The following ALS2 variants were observed in gnomAD, a reference collection of about 807,000 sequenced individuals.
ALS2 encodes the protein alsin Rho guanine nucleotide exchange factor ALS2.
In ALS2, 117 loss-of-function variants were observed where a neutral mutation model predicts 203.4. The observed-to-expected ratio is 0.58, with a 90% confidence interval of 0.50 to 0.67. The LOEUF (loss-of-function observed/expected upper bound fraction) is 0.67. Among genes scored for constraint, ALS2 ranks in the 30% least tolerant of loss-of-function variants. ALS2 has a pLI of 0.00. For synonymous variants in ALS2, 718 were observed against 725.9 expected (o/e 0.99, Z 0.17); for missense variants, 1,715 against 1,989.4 (o/e 0.86, Z 2.62).
chr2:201,728,339 T>C (rs895266728), intron 15 of ALS2, among the ~76,000 whole-genome samples, 173 bp downstream of exon 15: 1 of 152,142 alleles, frequency 6.6e-6, no homozygotes, highest in Non-Finnish European at 1.5e-5. Context: ...AGTGAGAACA[T>C]GCAGTGTTTG....
Position 201,705,220 on chromosome 2 carries a change from G to A in ALS2, c.4627-20C>T. On this transcript the variant is annotated intron_variant, in intron 30 of 33. Coordinates refer to ENST00000264276, the MANE Select transcript of ALS2 (RefSeq NM_020919.4). ...CAAAACCTGCAAAAAAGAGAGTGAA[G>A]GTCAAGGAGGAAAACTATTTTCTGC... 6.2e-7 allele frequency: 1 copy of A among 1,612,208 alleles called. No individual in the cohort carries two copies. The highest frequency in any genetic ancestry group is 1.1e-5 in the South Asian group (1 of 91,026).
rs1460568046 is a variant in ALS2, at chr2:201,738,657, T to G, written c.2417+13A>C. 1.9e-5 allele frequency: 30 copies of G among 1,611,416 alleles called. No individual in the cohort carries two copies. The highest frequency in any genetic ancestry group is 2.5e-5 in the Non-Finnish European group (29 of 1,177,672). On this transcript the variant is annotated intron_variant, in intron 12 of 33. Transcript: ENST00000264276. ...CGGAGAGAATGATAACTGGAAGGTG[T>G]GGGTTTGCTTACATGGCAGGCTTAG... is the stretch of plus-strand genomic sequence containing the variant.
chr2:201,778,678 A>G (rs1388137485), intron 1 of ALS2, among the ~76,000 whole-genome samples: 4 of 152,216 alleles, frequency 2.6e-5, no homozygotes, highest in African/African-American at 4.8e-5. Context: ...TTGGTCATCA[A>G]TGAAGGGTTA....
intron 11 of ALS2, among the ~76,000 whole-genome samples, chr2:201,740,571 A>T (rs147621874): frequency 6.6e-6 from 1 of 152,360 alleles, no homozygotes; most frequent in Non-Finnish European, 1.5e-5. Context: ...AGAAACTAGT[A>T]TCAAGTTCTA....
At chr2:201,738,492 T>C (rs1050779083) in intron 12 of ALS2, 178 bp downstream of exon 12, 2 of 641,196 alleles carry the variant, frequency 3.1e-6, no homozygotes, top group East Asian at 2.8e-5. Context: ...ATACTACTTA[T>C]AATGATAACC....
chr2:201,767,451 T>G, intron 2 of ALS2, 68 bp from the exon 3 acceptor site: 1 of 1,549,894 alleles, frequency 6.5e-7, no homozygotes, highest in Non-Finnish European at 8.8e-7. Context: ...TTCTTAATAC[T>G]TTTCATGATT....
chr2:201,718,469 C>A (rs1217275070), intron 23 of ALS2, among the ~76,000 whole-genome samples: 1 of 152,126 alleles, frequency 6.6e-6, no homozygotes, highest in East Asian at 1.9e-4. Flanking sequence ...CCATGTTGGC[C>A]AGGCTGGTCT....
intron 11 of ALS2, chr2:201,741,246 A>G (rs774632493): frequency 3.7e-4 from 57 of 153,982 alleles, no homozygotes; most frequent in Non-Finnish European, 6.2e-4. Flanking sequence ...GGTCTTTTAA[A>G]ACTTCCATTT....
chr2:201,729,464 G>C (rs1488374424), intron 13 of ALS2, among the ~76,000 whole-genome samples: 2 of 152,128 alleles, frequency 1.3e-5, no homozygotes, highest in Non-Finnish European at 2.9e-5. Flanking sequence ...TAGAGCAGGA[G>C]TTCTCAAATA....
chr2:201,754,654 T>C lies in ALS2; in HGVS notation c.1489A>G (p.Arg497Gly). Residue 497 changes from arginine (R) to glycine (G), a missense_variant, in exon 6 of 34, where the codon AGA becomes GGA. By Grantham distance (125) the Arg-to-Gly change is moderately radical. Around this residue, in one of 3 missense-constraint regions of ALS2, gnomAD observed 1,227 missense variants for 1,413.5 expected, o/e 0.87. Transcript: ENST00000264276. ...CTCGTTTTCACCCGTGCAGCCTTTC[T>C]TAAGAGCCTGGGGGAAACTGAAAAC... is the stretch of plus-strand genomic sequence containing the variant. ...LLSQVSPRLL[R>G]KAARVKTRTV... 1 of 1,614,110 alleles carries C rather than the reference T, an allele frequency of 6.2e-7. No homozygotes were observed. The highest frequency in any genetic ancestry group is 8.5e-7 in the Non-Finnish European group (1 of 1,179,996).
At position 201,746,759 on chromosome 2, in the gene ALS2, A is replaced by G; in HGVS notation, c.1816-11T>C. On this transcript the variant is annotated splice_polypyrimidine_tract_variant and intron_variant, in intron 8 of 33. Coordinates refer to ENST00000264276, the MANE Select transcript of ALS2 (RefSeq NM_020919.4). Reference sequence around the variant, plus strand: ...ATTTTCACTGCTTATCTGCAACGACAGAAAGATAGTGTCTGTCCAAGATAA... The same window carrying G: ...ATTTTCACTGCTTATCTGCAACGACGGAAAGATAGTGTCTGTCCAAGATAA... The G allele has an allele frequency of 6.2e-7, 1 of 1,614,058 alleles. No homozygotes were observed. Among genetic ancestry groups the G allele is most frequent in the Admixed American group, 1.7e-5 (1 of 60,032 alleles).
intron 3 of ALS2, among the ~76,000 whole-genome samples, chr2:201,766,757 C>A: frequency 1.4e-5 from 2 of 139,404 alleles, no homozygotes; most frequent in Non-Finnish European, 3.2e-5. Context: ...GAATACTATG[C>A]AGCCATAAAA....
intron 8 of ALS2, among the ~76,000 whole-genome samples, chr2:201,748,467 C>A (rs868091509): frequency 1.3e-5 from 2 of 152,152 alleles, no homozygotes; most frequent in African/African-American, 4.8e-5. Context: ...AAAAACCAAG[C>A]TCCCAATGAT....
Position 201,744,238 on chromosome 2 carries a change from G to C in ALS2, c.2170+20C>G. On this transcript the variant is annotated intron_variant, in intron 10 of 33. Transcript: ENST00000264276. ...AAGACCTGATGGTTTAATGGTGGGA[G>C]AGAGGGGGTTGCAACTTACCTAAAC... 6.2e-7 allele frequency: 1 copy of C among 1,607,978 alleles called. No homozygotes were observed. Among genetic ancestry groups the C allele is most frequent in the Non-Finnish European group, 8.5e-7 (1 of 1,174,432 alleles).
intron 2 of ALS2, among the ~76,000 whole-genome samples, chr2:201,767,933 A>C (rs1694187287): frequency 1.3e-5 from 2 of 152,110 alleles, no homozygotes. Context: ...TCCATCTAAG[A>C]AGCAAACAAA....
At chr2:201,715,582 A>G in intron 25 of ALS2, 90 bp downstream of exon 25, 1 of 1,482,394 alleles carries the variant, frequency 6.7e-7, no homozygotes, top group Non-Finnish European at 9.4e-7. Context: ...TTAACTTTTA[A>G]ATTAAATGTG....
chr2:201,705,061 A>G (rs776086130), intron 31 of ALS2, 78 bp downstream of exon 31: 1 of 1,389,088 alleles, frequency 7.2e-7, no homozygotes, highest in Non-Finnish European at 1.0e-6. Context: ...TTAGGTAAAG[A>G]TAAGATCATA....
At chr2:201,748,511 A>G (rs1692818727) in intron 8 of ALS2, among the ~76,000 whole-genome samples, 1 of 152,190 alleles carries the variant, frequency 6.6e-6, no homozygotes. Context: ...TCTTGTAACA[A>G]ACTATTCTCT....
In ALS2 at chr2:201,761,721, T is replaced by C. The variant is rs775393346; in HGVS notation, c.273A>G (p.Gln91=). The change falls in exon 4 of 34, where the codon CAA becomes CAG. Residue 91 remains glutamine (Q), a synonymous_variant. Coordinates refer to ENST00000264276, the MANE Select transcript of ALS2 (RefSeq NM_020919.4). ...SPILENALVG[Q]YVITVATGSF... Reference sequence around the variant, plus strand: ...TTCCTGTTGCCACAGTAATAACATATTGCCCAACCAGGGCATTTTCTAGAA... The same window carrying C: ...TTCCTGTTGCCACAGTAATAACATACTGCCCAACCAGGGCATTTTCTAGAA... 5.6e-6 allele frequency: 9 copies of C among 1,613,992 alleles called. No homozygotes were observed. The African/African-American group carries it at 1.1e-4, about 19-fold the overall frequency.
Sources: allele counts gnomAD v4.1 joint callset (sites outside exome capture counted in the v4.1 genomes callset), GRCh38; gene constraint gnomAD v4.1.1; regional missense constraint gnomAD v4.1.1; transcripts MANE v1.5; gene names NCBI Gene and HGNC (gene_info 2026-07-23, HGNC 2026-07-21).